SYNDIG1L: variants seen among roughly 807,000 people sequenced by gnomAD.
The protein encoded by SYNDIG1L is synapse differentiation inducing 1 like.
In SYNDIG1L, 13 loss-of-function variants were observed where a neutral mutation model predicts 20.1. That is an observed-to-expected ratio of 0.65 (90% CI 0.42 to 1.03). SYNDIG1L has a LOEUF of 1.03. Among genes scored for constraint, SYNDIG1L ranks in the 50% least tolerant of loss-of-function variants. SYNDIG1L has a pLI of 0.00. For synonymous variants in SYNDIG1L, 128 were observed against 129.3 expected (o/e 0.99, Z 0.07); for missense variants, 294 against 305.1 (o/e 0.96, Z 0.27).
upstream of SYNDIG1L, among the ~76,000 whole-genome samples, chr14:74,428,923 C>T (rs1404590321): frequency 6.6e-6 from 1 of 152,180 alleles, no homozygotes; most frequent in Non-Finnish European, 1.5e-5. Context: ...GGGGCTCCTG[C>T]TGCTGGGAAG....
the SYNDIG1L span, among the ~76,000 whole-genome samples, chr14:74,471,246 C>G: frequency 6.6e-6 from 1 of 152,102 alleles, no homozygotes; most frequent in African/African-American, 2.4e-5. Context: ...CAGAGAGACA[C>G]GGAAGTAGTT....
At chr14:74,437,597 C>T in the SYNDIG1L span, among the ~76,000 whole-genome samples, 1 of 152,116 alleles carries the variant, frequency 6.6e-6, no homozygotes, top group Non-Finnish European at 1.5e-5. Flanking sequence ...AAGTACCTGC[C>T]AGGCTTTTAA....
intron 1 of SYNDIG1L, among the ~76,000 whole-genome samples, chr14:74,415,105 C>T (rs1266949247): frequency 6.6e-6 from 1 of 152,002 alleles, no homozygotes; most frequent in Non-Finnish European, 1.5e-5. Context: ...AGGAGGAGGG[C>T]CCCCAATAAA....
chr14:74,451,833 T>C, the SYNDIG1L span, among the ~76,000 whole-genome samples: 2 of 151,522 alleles, frequency 1.3e-5, no homozygotes, highest in Non-Finnish European at 1.5e-5. Flanking sequence ...CTACTAAAAA[T>C]ACAAAAATTA....
At chr14:74,438,451 T>A in the SYNDIG1L span, among the ~76,000 whole-genome samples, 1 of 152,086 alleles carries the variant, frequency 6.6e-6, no homozygotes, top group Non-Finnish European at 1.5e-5. Flanking sequence ...AGGGGATGGA[T>A]GGGAATGAAA....
At chr14:74,469,190 G>C in the SYNDIG1L span, among the ~76,000 whole-genome samples, 9 of 152,116 alleles carry the variant, frequency 5.9e-5, no homozygotes, top group African/African-American at 2.2e-4. Flanking sequence ...CTTTATGACA[G>C]TGACACATTG....
the SYNDIG1L span, among the ~76,000 whole-genome samples, chr14:74,450,847 ACT>A: frequency 3.3e-5 from 5 of 152,190 alleles, no homozygotes; most frequent in African/African-American, 4.8e-5. Context: ...CACTTTACCA[ACT>A]AAGATATAGA....
At chr14:74,455,278 AC>A in the SYNDIG1L span, among the ~76,000 whole-genome samples, 1 of 151,712 alleles carries the variant, frequency 6.6e-6, no homozygotes, top group African/African-American at 2.4e-5. Flanking sequence ...GGCTGAGGAC[AC>A]CTTTCGTGTC....
the SYNDIG1L span, among the ~76,000 whole-genome samples, chr14:74,453,773 T>G: frequency 1.3e-5 from 2 of 152,002 alleles, no homozygotes; most frequent in Non-Finnish European, 2.9e-5. Flanking sequence ...GCCAACATGG[T>G]GAAACTCCGT....
chr14:74,462,060 TG>T, the SYNDIG1L span, among the ~76,000 whole-genome samples: 1 of 142,280 alleles, frequency 7.0e-6, no homozygotes, highest in South Asian at 2.4e-4. Context: ...CACTCCAGCC[TG>T]GGGACAGAGT....
At chr14:74,408,563 C>CAAA (rs758108537) in intron 2 of SYNDIG1L, among the ~76,000 whole-genome samples, 1 of 66,178 alleles carries the variant, frequency 1.5e-5, no homozygotes, top group Non-Finnish European at 3.1e-5. Context: ...GACTCCATCT[C>CAAA]AAAAAAAAAA....
upstream of SYNDIG1L, among the ~76,000 whole-genome samples, chr14:74,427,136 T>TTTTTTCTGG (rs2086273453): frequency 6.7e-6 from 1 of 150,222 alleles, no homozygotes; most frequent in African/African-American, 2.5e-5. Context: ...TTTTTTTTTT[T>TTTTTTCTGG]GCATGGGGAT....
At chr14:74,411,776 GAC>G (rs2086132565) in intron 1 of SYNDIG1L, among the ~76,000 whole-genome samples, 1 of 152,206 alleles carries the variant, frequency 6.6e-6, no homozygotes, top group Non-Finnish European at 1.5e-5. Flanking sequence ...GGGGCAAGAA[GAC>G]ACTACCCGTG....
the SYNDIG1L span, among the ~76,000 whole-genome samples, chr14:74,467,066 G>A: frequency 1.1e-4 from 17 of 152,300 alleles, no homozygotes; most frequent in African/African-American, 4.1e-4. Context: ...GGGATTCTGT[G>A]TAAATGCAGT....
chr14:74,449,438 C>CAAAAA, the SYNDIG1L span, among the ~76,000 whole-genome samples: 13 of 34,014 alleles, frequency 3.8e-4, 2 homozygotes, highest in Non-Finnish European at 4.9e-4. Flanking sequence ...CCTGTCTTTA[C>CAAAAA]AAAAAAAAAA....
At chr14:74,444,805 A>G in the SYNDIG1L span, among the ~76,000 whole-genome samples, 1 of 152,162 alleles carries the variant, frequency 6.6e-6, no homozygotes, top group African/African-American at 2.4e-5. Context: ...CAGGAGTTCT[A>G]TTGACCTCAG....
rs1278452507 is a variant in SYNDIG1L, at chr14:74,406,458, GA to G, written c.*1076del. On this transcript the variant is annotated 3_prime_UTR_variant, in exon 4 of 4. Transcript: ENST00000331628. ...CCACATCCCTGCCTACAAATACAAA[GA>G]GTTATGTGACCAAATCCCTTAGATG... The G allele has an allele frequency of 5.5e-6, 1 of 183,324 alleles. No homozygotes were observed. The highest frequency in any genetic ancestry group is 1.1e-5 in the Non-Finnish European group (1 of 89,032). The allele number at this position is 183,324 out of a possible 1,614,324, so 11.4% of individuals were successfully genotyped here. A position where few individuals can be genotyped will look rare whatever the true frequency, so the allele number is the denominator to read the frequency against.
chr14:74,448,322 C>G, the SYNDIG1L span, among the ~76,000 whole-genome samples: 2 of 152,060 alleles, frequency 1.3e-5, no homozygotes, highest in Non-Finnish European at 1.5e-5. Flanking sequence ...AAAGATATAC[C>G]ATGCTCCCAT....
chr14:74,453,368 AAAAAAAAAAAAAAAAAAAAAAAAG>A, the SYNDIG1L span, among the ~76,000 whole-genome samples: 4 of 82,606 alleles, frequency 4.8e-5, no homozygotes, highest in Non-Finnish European at 1.1e-4. Flanking sequence ...AAAAAAAAAA[AAAAAAAAAAAAAAAAAAAAAAAAG>A]AAGAAGAAGA....
Sources: gnomAD v4.1 joint callset for allele counts (sites outside exome capture counted in the v4.1 genomes callset) on GRCh38, gnomAD v4.1.1 for gene constraint, MANE v1.5 for transcripts, NCBI Gene and HGNC (gene_info 2026-07-23, HGNC 2026-07-21) for gene names.